The following STOX2 variants were observed in gnomAD, a reference collection of about 807,000 sequenced individuals.
The protein encoded by STOX2 is storkhead-box protein 2.
In STOX2, 28 loss-of-function variants were observed where a neutral mutation model predicts 60.9. The ratio of observed to expected loss-of-function variants is 0.46; its 90% CI spans 0.34 to 0.63. The LOEUF is 0.63. Ranked by LOEUF, STOX2 falls within the 30% of genes least tolerant of loss-of-function variation. The pLI is 0.01. For missense variants in STOX2, 1,024 were observed against 1,187.7 expected (o/e 0.86, Z 2.03); for synonymous variants, 472 against 463.9 (o/e 1.02, Z -0.22).
At chr4:183,969,673 C>T (rs907751505) in intron 1 of STOX2, among the ~76,000 whole-genome samples, 4 of 150,396 alleles carry the variant, frequency 2.7e-5, no homozygotes, top group Admixed American at 1.3e-4. Context: ...AGCTGGAGTG[C>T]AGTGGTGGCA....
intron 1 of STOX2, among the ~76,000 whole-genome samples, chr4:183,809,121 T>G (rs1303633053): frequency 6.6e-5 from 10 of 151,894 alleles, no homozygotes; most frequent in African/African-American, 2.4e-4. Context: ...TTGCTCTGTC[T>G]CCCAGGCTGG....
rs1463892245 is a variant in STOX2 at position 183,819,007 on chromosome 4, C to T, written c.364+20952C>T. Among the ~76,000 whole-genome samples, 3 of 152,032 alleles carry T rather than the reference C, an allele frequency of 2.0e-5. No individual in the cohort carries two copies. In the South Asian group the frequency reaches 6.2e-4, roughly 32 times the overall value. On this transcript the variant is annotated intron_variant, in intron 1 of 2. Coordinates refer to the STOX2 transcript ENST00000513034. ...CGATGGGTGGCCGGGCAGAGACCCT[C>T]CTCACTTCCTAGATGGGATGGCGGC...
intron 1 of STOX2, among the ~76,000 whole-genome samples, chr4:183,844,582 A>C (rs762120154): frequency 7.9e-5 from 12 of 152,212 alleles, no homozygotes; most frequent in Non-Finnish European, 1.6e-4. Context: ...GGATATCAAA[A>C]AAGTCATGTT....
intron 1 of STOX2, among the ~76,000 whole-genome samples, chr4:183,922,558 C>A (rs1480498136): frequency 1.3e-5 from 2 of 151,998 alleles, no homozygotes; most frequent in African/African-American, 4.8e-5. Context: ...CTTGGCCAGG[C>A]TGGTCTTGAA....
In STOX2 at chr4:183,923,497, A is replaced by G. The variant is rs190963905; in HGVS notation, c.166+16541A>G. Among the ~76,000 whole-genome samples the G allele has an allele frequency of 9.2e-5, 14 of 152,362 alleles. No individual in the cohort carries two copies. In the East Asian group the frequency reaches 2.3e-3, roughly 25 times the overall value. ...TTTCTTAGAAGGCCGCTGTCACTTG[A>G]TTAATAACCAACACGGAAGGCAGAG... On this transcript the variant is annotated intron_variant, in intron 1 of 3. Coordinates refer to ENST00000308497, the MANE Select transcript of STOX2 (RefSeq NM_020225.3).
intron 1 of STOX2, among the ~76,000 whole-genome samples, chr4:183,879,044 A>G (rs1326895672): frequency 6.6e-6 from 1 of 152,040 alleles, no homozygotes; most frequent in Non-Finnish European, 1.5e-5. Flanking sequence ...GATCAATTTC[A>G]TGTGCCCACA....
chr4:184,015,279 C>G (rs938662059), intron 3 of STOX2: 2 of 152,246 alleles, frequency 1.3e-5, no homozygotes. Flanking sequence ...TCTTCCTCCA[C>G]CTGCTCCATG....
At chr4:184,013,873 A>G (rs371919289) in intron 3 of STOX2, among the ~76,000 whole-genome samples, 1 of 151,972 alleles carries the variant, frequency 6.6e-6, no homozygotes, top group East Asian at 1.9e-4. Flanking sequence ...TGCCGCCTGG[A>G]ACTCCTGGGC....
Position 184,015,305 on chromosome 4 carries a change from T to G in STOX2, c.2586-1784T>G. 2 of 152,190 alleles carry G rather than the reference T, an allele frequency of 1.3e-5. 1 individual carries two copies. Among genetic ancestry groups the G allele is most frequent in the East Asian group, 3.9e-4 (2 of 5,186 alleles). The allele number at this position is 152,190 out of a possible 1,614,324, so 9.4% of individuals were successfully genotyped here. ...CTGCTCCATGCCTCAGTGGTAGCTC[T>G]GGCAAAGCCACTGGTGAGTTTTCCT... is the stretch of plus-strand genomic sequence containing the variant. On this transcript the variant is annotated intron_variant, in intron 3 of 3. Coordinates refer to ENST00000308497, the MANE Select transcript of STOX2 (RefSeq NM_020225.3).
chr4:183,832,084 G>T (rs7655507), intron 1 of STOX2, among the ~76,000 whole-genome samples: 13,172 of 151,388 alleles, frequency 0.087, 1,879 homozygotes, highest in African/African-American at 0.3. Flanking sequence ...CTGCCTGCTA[G>T]GTTCAAGTGA....
In STOX2 at chr4:184,001,493, C is replaced by T. The variant is rs116805967; in HGVS notation, c.319+16C>T. The T allele has an allele frequency of 6.4e-4, 1,039 of 1,612,638 alleles. 10 individuals carry two copies. The African/African-American group carries it at 0.012, about 19-fold the overall frequency. On this transcript the variant is annotated intron_variant, in intron 2 of 3. Transcript: ENST00000308497. This position sits in a 1 kb window ranked among gnomAD's most constrained non-coding sequence, Gnocchi z 4.2. ...TGCTTCCCAGGTAACGAGGCGGGAA[C>T]GTAGCACTTTCCAGGTGGCGGTGTG...
Position 184,017,532 on chromosome 4 carries a change from A to G in STOX2, c.*248A>G, listed in dbSNP as rs1009607158. On this transcript the variant is annotated 3_prime_UTR_variant, in exon 4 of 4. Coordinates refer to ENST00000308497, the MANE Select transcript of STOX2 (RefSeq NM_020225.3). ...TGATATGTATACTTTTGCTTCACTAATTGTATCTGAGCACACATAGGAAAG... is the reference window on the plus strand; with the variant it reads ...TGATATGTATACTTTTGCTTCACTAGTTGTATCTGAGCACACATAGGAAAG... 3 of 368,318 alleles carry G rather than the reference A, an allele frequency of 8.1e-6. No individual in the cohort carries two copies. The highest frequency in any genetic ancestry group is 1.5e-5 in the Non-Finnish European group (3 of 203,990). 22.8% of individuals were successfully genotyped at this position (368,318 alleles called of 1,614,324 possible).
intron 1 of STOX2, among the ~76,000 whole-genome samples, chr4:183,881,921 A>G (rs1015609503): frequency 3.3e-5 from 5 of 152,248 alleles, no homozygotes; most frequent in Non-Finnish European, 7.3e-5. Context: ...ATTTGAACCA[A>G]CAACTTTAAA....
In STOX2 at chr4:184,009,570, A is replaced by G. The variant is rs1560940162; in HGVS notation, c.732A>G (p.Val244=). The change falls in exon 3 of 4, where the codon GTA becomes GTG. Residue 244 remains valine, a synonymous_variant. Transcript: ENST00000308497. The surrounding 1 kb of genome is among the most constrained non-coding windows in gnomAD (Gnocchi z 4.0). The part of the protein sequence containing the change: ...VPPTEKSKST[V]NFSYKTETLS... ...CCACTGAAAAGAGCAAAAGTACTGT[A>G]AATTTTTCCTATAAGACAGAAACTC... 4 of 1,613,948 alleles carry G rather than the reference A, an allele frequency of 2.5e-6. No homozygotes were observed. The highest frequency in any genetic ancestry group is 3.4e-6 in the Non-Finnish European group (4 of 1,179,866).
chr4:183,851,002 GGATGAGAGAAAGGATGAGAGAAAC>G, intron 1 of STOX2, among the ~76,000 whole-genome samples: 3 of 142,788 alleles, frequency 2.1e-5, no homozygotes, highest in Admixed American at 7.0e-5. Flanking sequence ...ATGAGGGAAA[GGATGAGAGAAAGGATGAGAGAAAC>G]GATGAGGGAA....
At chr4:183,880,193 AG>A (rs1740927090) in intron 1 of STOX2, among the ~76,000 whole-genome samples, 1 of 152,144 alleles carries the variant, frequency 6.6e-6, no homozygotes, top group South Asian at 2.1e-4. Context: ...TATGTTGGCC[AG>A]GCTGGTCTCG....
chr4:183,937,535 G>A (rs747034424), intron 1 of STOX2, among the ~76,000 whole-genome samples: 11 of 152,118 alleles, frequency 7.2e-5, no homozygotes, highest in African/African-American at 2.2e-4. Flanking sequence ...GGTCCACAAG[G>A]ACATATATTT....
chr4:183,980,975 G>T (rs1301408950), intron 1 of STOX2, among the ~76,000 whole-genome samples: 1 of 152,138 alleles, frequency 6.6e-6, no homozygotes, highest in African/African-American at 2.4e-5. Context: ...ACTAATTCCA[G>T]CTAAAAGAGC....
intron 3 of STOX2, among the ~76,000 whole-genome samples, chr4:184,016,610 T>G (rs947120398): frequency 6.6e-6 from 1 of 152,206 alleles, no homozygotes; most frequent in Non-Finnish European, 1.5e-5. Flanking sequence ...AAGGGCATGC[T>G]CAAGTCCCCC....
Sources: allele counts gnomAD v4.1 joint callset (sites outside exome capture counted in the v4.1 genomes callset), GRCh38; gene constraint gnomAD v4.1.1; non-coding constraint Gnocchi (gnomAD v3.1); transcripts MANE v1.5; gene names NCBI Gene and HGNC (gene_info 2026-07-23, HGNC 2026-07-21).